The following ZNF709 variants were observed in gnomAD, a reference collection of about 807,000 sequenced individuals.
ZNF709 encodes the protein zinc finger protein 709.
Under a neutral mutation model 10.6 loss-of-function variants are expected in ZNF709, and 15 were observed. The observed-to-expected ratio is 1.41, with a 90% CI of 0.95 to 2.18. ZNF709 has a LOEUF of 2.18. Among genes scored for constraint, ZNF709 ranks in the 30% most tolerant of loss-of-function variants. The probability of loss-of-function intolerance (pLI) is 0.00; values close to 1 mark genes in which losing one functional copy is unlikely to be tolerated. For synonymous variants in ZNF709, 194 were observed against 238.8 expected (o/e 0.81, Z 1.73); for missense variants, 589 against 774.0 (o/e 0.76, Z 2.84).
Position 12,464,700 on chromosome 19 carries a change from G to A in ZNF709, c.1222C>T (p.Arg408Ter), listed in dbSNP as rs763757874. ...GKAFSCSSSF[R>*]MHERTHTGEK... ...CCAGTGTGAGTTCTTTCATGCATTC[G>A]AAAGGAACTGGAACAACTGAAGGCT... The change falls in exon 4 of 4, where the codon CGA becomes TGA. Residue 408 changes from arginine (R) to a stop codon, truncating the protein, a stop_gained. Transcript: ENST00000397732. LOFTEE classifies it low-confidence loss of function (END_TRUNC). 6.8e-6 allele frequency: 11 copies of A among 1,613,660 alleles called. No individual in the cohort carries two copies. The highest frequency in any genetic ancestry group is 4.2e-6 in the Non-Finnish European group (5 of 1,179,912).
intron 1 of ZNF709, among the ~76,000 whole-genome samples, chr19:12,468,922 G>C (rs1970609364): frequency 6.6e-6 from 1 of 151,814 alleles, no homozygotes; most frequent in Non-Finnish European, 1.5e-5. Flanking sequence ...CTCACTGCAA[G>C]CTCTGCCTCC....
At position 12,464,993 on chromosome 19, in the gene ZNF709, C is replaced by T. The variant is rs768627385; in HGVS notation, c.929G>A (p.Cys310Tyr). ...ACTGAAGGCTTTCCCACATTTTTTA[C>T]ATTTATAGGGTTTTTCTCCAGTGTG... is the stretch of plus-strand genomic sequence containing the variant. ...RIHTGEKPYKCKKCGKAFSFP... is the reference protein window; with the variant it reads ...RIHTGEKPYKYKKCGKAFSFP... The change falls in exon 4 of 4, where the codon TGT (cysteine) becomes TAT (tyrosine). Residue 310 changes from cysteine to tyrosine, a missense_variant. Transcript: ENST00000397732. The T allele has an allele frequency of 3.1e-6, 5 of 1,607,024 alleles. No individual in the cohort carries two copies. Among genetic ancestry groups the T allele is most frequent in the East Asian group, 2.2e-5 (1 of 44,822 alleles).
chr19:12,481,106 T>C, intron 1 of ZNF709: 1 of 925,852 alleles, frequency 1.1e-6, no homozygotes, highest in Non-Finnish European at 1.3e-6. Context: ...CCAAGTACTC[T>C]ATGACATGCA....
At chr19:12,468,498 T>G (rs1243944714) in intron 1 of ZNF709, among the ~76,000 whole-genome samples, 2 of 151,740 alleles carry the variant, frequency 1.3e-5, no homozygotes, top group Non-Finnish European at 2.9e-5. Context: ...GAAGGCAGCA[T>G]GCTCGTTAAG....
chr19:12,465,479 C>G lies in ZNF709; in HGVS notation c.443G>C (p.Arg148Thr). 1.9e-6 allele frequency: 3 copies of G among 1,609,684 alleles called. No homozygotes were observed. The highest frequency in any genetic ancestry group is 2.5e-6 in the Non-Finnish European group (3 of 1,178,364). ...TCGAAATGAACTTCGAAAGCTGAAT[C>G]TTTTCCCACATTCCTTACATTCATA... ...KSYECKECGK[R>T]FSFRSSFRIH... The change falls in exon 4 of 4, where the codon AGA becomes ACA. Residue 148 changes from arginine to threonine, a missense_variant. Arg to Thr is a moderately conservative substitution (Grantham distance 71). This residue lies in a region of ZNF709 where 418 missense variants were observed against 496.3 expected (regional missense o/e 0.84). Coordinates refer to ENST00000397732, the MANE Select transcript of ZNF709 (RefSeq NM_152601.4).
At chr19:12,482,463 G>GT (rs1186624713) in intron 1 of ZNF709, among the ~76,000 whole-genome samples, 1 of 152,090 alleles carries the variant, frequency 6.6e-6, no homozygotes, top group African/African-American at 2.4e-5. Flanking sequence ...TTCAATTGTT[G>GT]TAAGTGAGGA....
intron 1 of ZNF709, among the ~76,000 whole-genome samples, chr19:12,474,042 T>A (rs1970657206): frequency 6.6e-6 from 1 of 152,246 alleles, no homozygotes; most frequent in African/African-American, 2.4e-5. Context: ...CACGATCCCA[T>A]CTTAAAAATG....
In ZNF709 at chr19:12,463,995, G is replaced by T. The variant is rs775009417; in HGVS notation, c.*1C>A. 2 of 1,472,810 alleles carry T rather than the reference G, an allele frequency of 1.4e-6. No individual in the cohort carries two copies. The highest frequency in any genetic ancestry group is 2.4e-5 in the Admixed American group (1 of 42,088). The allele number at this position is 1,472,810 out of a possible 1,614,324, so 91.2% of individuals were successfully genotyped here. On this transcript the variant is annotated 3_prime_UTR_variant, in exon 4 of 4. Coordinates refer to ENST00000397732, the MANE Select transcript of ZNF709 (RefSeq NM_152601.4). ...TTGCCATATTGCTTATATACATAGG[G>T]TTACTCTCCACTATGAACTCTTTCA...
intron 1 of ZNF709, among the ~76,000 whole-genome samples, chr19:12,476,389 CAAA>C (rs35824945): frequency 1.4e-4 from 12 of 84,296 alleles, no homozygotes; most frequent in Non-Finnish European, 1.2e-4. Flanking sequence ...GAACTTGCCT[CAAA>C]AAAAAAAAAA....
intron 1 of ZNF709, among the ~76,000 whole-genome samples, chr19:12,479,713 C>CA (rs1970706099): frequency 6.6e-6 from 1 of 151,832 alleles, no homozygotes; most frequent in African/African-American, 2.4e-5. Context: ...TACTAAAATA[C>CA]AAAAAAATTA....
intron 1 of ZNF709, among the ~76,000 whole-genome samples, chr19:12,478,736 T>A (rs1056794113): frequency 2.6e-5 from 4 of 152,196 alleles, no homozygotes; most frequent in Non-Finnish European, 5.9e-5. Flanking sequence ...CCTCCTGGCC[T>A]GGGTTTTTAT....
intron 1 of ZNF709, chr19:12,481,128 C>T (rs1970723434): frequency 2.0e-6 from 2 of 979,118 alleles, no homozygotes; most frequent in Non-Finnish European, 1.2e-6. Flanking sequence ...ATACAAAAAC[C>T]GATCTAAAAA....
At chr19:12,481,337 A>G (rs7359927) in intron 1 of ZNF709, 59,667 of 193,128 alleles carry the variant, frequency 0.31, 9,969 homozygotes, top group African/African-American at 0.44. Context: ...GGGTTCAAGC[A>G]ATTCTCCTGC....
chr19:12,467,978 TG>T (rs1411549560), intron 1 of ZNF709, among the ~76,000 whole-genome samples: 2 of 125,856 alleles, frequency 1.6e-5, no homozygotes, highest in Admixed American at 7.6e-5. Flanking sequence ...GGGAGGGAGG[TG>T]GGGGTCAGCC....
At chr19:12,478,835 C>G (rs1039490450) in intron 1 of ZNF709, among the ~76,000 whole-genome samples, 29 of 152,168 alleles carry the variant, frequency 1.9e-4, no homozygotes, top group African/African-American at 6.3e-4. Flanking sequence ...ACTTTTTCAG[C>G]TTGCCCAGGT....
Position 12,464,709 on chromosome 19 carries a change from T to C in ZNF709, c.1213A>G (p.Ser405Gly). Reference sequence around the variant, plus strand: ...GTTCTTTCATGCATTCGAAAGGAACTGGAACAACTGAAGGCTTTACCACAC... The same window carrying C: ...GTTCTTTCATGCATTCGAAAGGAACCGGAACAACTGAAGGCTTTACCACAC... ...KQCGKAFSCS[S>G]SFRMHERTHT... Residue 405 changes from serine (S) to glycine (G), a missense_variant, in exon 4 of 4, where the codon AGT becomes GGT. Ser to Gly is a moderately conservative substitution (Grantham distance 56). This residue lies in a region of ZNF709 where 418 missense variants were observed against 496.3 expected (regional missense o/e 0.84). Transcript: ENST00000397732. The C allele has an allele frequency of 6.2e-7, 1 of 1,613,920 alleles. No homozygotes were observed. Among genetic ancestry groups the C allele is most frequent in the Non-Finnish European group, 8.5e-7 (1 of 1,179,926 alleles).
chr19:12,484,563 G>A (rs1472056698), intron 1 of ZNF709, 92 bp downstream of exon 1: 41 of 1,500,802 alleles, frequency 2.7e-5, no homozygotes, highest in Middle Eastern at 3.5e-4. Context: ...GGAGACAACG[G>A]CGGGGAGGCC....
rs1172725012 is a variant in ZNF709 at position 12,465,014 on chromosome 19, G to A, written c.908C>T (p.Thr303Ile). The change falls in exon 4 of 4, where the codon ACT (threonine) becomes ATT (isoleucine). Residue 303 changes from threonine (T) to isoleucine (I), a missense_variant. Physicochemically the swap from Thr to Ile is moderately conservative, Grantham distance 89. Transcript: ENST00000397732. ...TTTACATTTATAGGGTTTTTCTCCA[G>A]TGTGAATCCTTTCATGACTTCGAAA... ...TSFRSHERIHTGEKPYKCKKC... is the reference protein window; with the variant it reads ...TSFRSHERIHIGEKPYKCKKC... 6.2e-7 allele frequency: 1 copy of A among 1,611,282 alleles called. No individual in the cohort carries two copies. The highest frequency in any genetic ancestry group is 8.5e-7 in the Non-Finnish European group (1 of 1,179,238).
intron 1 of ZNF709, among the ~76,000 whole-genome samples, chr19:12,471,645 T>C (rs1488647825): frequency 6.6e-6 from 1 of 152,138 alleles, no homozygotes; most frequent in African/African-American, 2.4e-5. Context: ...GTGTCTTCAA[T>C]GGACTGGCAT....
Sources: gnomAD v4.1 joint callset for allele counts (sites outside exome capture counted in the v4.1 genomes callset) on GRCh38, gnomAD v4.1.1 for gene constraint, gnomAD v4.1.1 regional missense constraint, MANE v1.5 for transcripts, NCBI Gene and HGNC (gene_info 2026-07-23, HGNC 2026-07-21) for gene names.